The following FOCAD variants were observed in gnomAD, a reference collection of about 807,000 sequenced individuals.
FOCAD encodes KIAA1797.
A neutral mutation model predicts 225.6 loss-of-function variants in FOCAD; 198 were observed. The ratio of observed to expected loss-of-function variants is 0.88; its 90% CI spans 0.78 to 0.99. The LOEUF is 0.99. Ranked by LOEUF, FOCAD falls within the 50% of genes least tolerant of loss-of-function variation. FOCAD has a pLI of 0.00. For synonymous variants in FOCAD, 897 were observed against 755.0 expected, an observed-to-expected ratio of 1.19 and a Z score of -3.08; for missense variants, 2,713 against 2,123.6, an observed-to-expected ratio of 1.28 and a Z score of -5.46.
intron 24 of FOCAD, among the ~76,000 whole-genome samples, chr9:20,919,564 C>G (rs1434738556): frequency 6.6e-6 from 1 of 152,156 alleles, no homozygotes; most frequent in East Asian, 1.9e-4. Context: ...TCAAACTATA[C>G]TACAAGGCTA....
chr9:20,930,962 A>T (rs1376944850), intron 27 of FOCAD, among the ~76,000 whole-genome samples: 2 of 152,096 alleles, frequency 1.3e-5, no homozygotes, highest in African/African-American at 4.8e-5. Context: ...ATCTGTGTTC[A>T]TGCTCTTTCT....
chr9:20,724,221 C>T (rs963581217), intron 4 of FOCAD, among the ~76,000 whole-genome samples: 2 of 152,096 alleles, frequency 1.3e-5, no homozygotes, highest in African/African-American at 4.8e-5. Context: ...ATATAAACAG[C>T]TTTCTATTTT....
intron 2 of FOCAD, among the ~76,000 whole-genome samples, chr9:20,678,401 G>A (rs74990421): frequency 0.036 from 5,464 of 152,238 alleles, 118 homozygotes; most frequent in Middle Eastern, 0.11. Flanking sequence ...GACATGTAAA[G>A]AGATCCAGGA....
At chr9:20,993,354 A>T (rs1386146518) in intron 43 of FOCAD, 26 bp downstream of exon 43, 2 of 1,572,316 alleles carry the variant, frequency 1.3e-6, no homozygotes, top group Non-Finnish European at 8.8e-7. Flanking sequence ...TTTATGCTCA[A>T]CATAGGGGAA....
chr9:20,967,235 C>G (rs370109083), intron 35 of FOCAD, among the ~76,000 whole-genome samples: 2 of 151,948 alleles, frequency 1.3e-5, no homozygotes, highest in Non-Finnish European at 2.9e-5. Context: ...AAGTCTTTAC[C>G]CTTGGTGAAA....
chr9:20,830,635 A>G (rs1048451217), intron 15 of FOCAD, among the ~76,000 whole-genome samples: 3 of 152,086 alleles, frequency 2.0e-5, no homozygotes, highest in Non-Finnish European at 4.4e-5. Context: ...TTAGTAATCA[A>G]TGATTCATTT....
intron 7 of FOCAD, among the ~76,000 whole-genome samples, chr9:20,767,675 T>C (rs1239948846): frequency 1.2e-3 from 170 of 142,798 alleles, no homozygotes; most frequent in African/African-American, 4.2e-3. Context: ...TGGGGTTGTT[T>C]GTTTTTTTCT....
In FOCAD at chr9:20,789,289, A is replaced by G; in HGVS notation, c.1198-62A>G. The G allele has an allele frequency of 5.1e-6, 8 of 1,556,090 alleles. No individual in the cohort carries two copies. The South Asian group carries it at 9.2e-5, about 18-fold the overall frequency. On this transcript the variant is annotated intron_variant, in intron 10 of 43. Coordinates refer to ENST00000338382, the MANE Select transcript of FOCAD (RefSeq NM_001375567.1). Reference sequence around the variant, plus strand: ...ACAATGAAATATAAGAATGCCAGAAACATATTTCTGACAAATATATTTATC... The same window carrying G: ...ACAATGAAATATAAGAATGCCAGAAGCATATTTCTGACAAATATATTTATC...
At chr9:20,943,293 A>G (rs1262395863) in intron 28 of FOCAD, among the ~76,000 whole-genome samples, 1 of 152,240 alleles carries the variant, frequency 6.6e-6, no homozygotes, top group Non-Finnish European at 1.5e-5. Context: ...TTACTGTAGT[A>G]GCTTCTTTAC....
At chr9:20,832,839 TTATC>T (rs772025210) in intron 15 of FOCAD, among the ~76,000 whole-genome samples, 15 of 152,068 alleles carry the variant, frequency 9.9e-5, no homozygotes, top group Non-Finnish European at 1.8e-4. Flanking sequence ...TACGTTTTCT[TTATC>T]CATTCATCAG....
intron 35 of FOCAD, among the ~76,000 whole-genome samples, chr9:20,966,871 T>C (rs1331081786): frequency 6.6e-6 from 1 of 152,166 alleles, no homozygotes; most frequent in Non-Finnish European, 1.5e-5. Context: ...AATAAACCTA[T>C]GCACTGGTCT....
chr9:20,858,819 T>C (rs1828475589), intron 15 of FOCAD, among the ~76,000 whole-genome samples: 1 of 127,728 alleles, frequency 7.8e-6, no homozygotes, highest in Admixed American at 8.5e-5. Flanking sequence ...AATTTTTCAC[T>C]TTGCTTTTTA....
chr9:20,933,656 G>A (rs2132231504), intron 28 of FOCAD, among the ~76,000 whole-genome samples: 1 of 152,234 alleles, frequency 6.6e-6, no homozygotes, highest in East Asian at 1.9e-4. Flanking sequence ...TTGCAATTGT[G>A]AATTGTGCTG....
chr9:20,986,986 G>A (rs923363821), intron 40 of FOCAD, among the ~76,000 whole-genome samples: 1 of 152,116 alleles, frequency 6.6e-6, no homozygotes, highest in Admixed American at 6.5e-5. Flanking sequence ...CGTTTTAGAC[G>A]TTATGCTTTA....
chr9:20,990,848 C>A (rs1334768059), intron 42 of FOCAD, among the ~76,000 whole-genome samples: 1 of 152,190 alleles, frequency 6.6e-6, no homozygotes, highest in Non-Finnish European at 1.5e-5. Flanking sequence ...GAGCATCCAT[C>A]TTCTTGTAGC....
intron 5 of FOCAD, among the ~76,000 whole-genome samples, chr9:20,750,878 C>CT (rs1828476685): frequency 6.6e-6 from 1 of 152,114 alleles, no homozygotes; most frequent in South Asian, 2.1e-4. Context: ...ACCTTTAATA[C>CT]TTTTTGCCTT....
At chr9:20,835,940 G>C (rs1371798600) in intron 15 of FOCAD, among the ~76,000 whole-genome samples, 5 of 152,094 alleles carry the variant, frequency 3.3e-5, no homozygotes, top group Non-Finnish European at 7.4e-5. Flanking sequence ...TTGACCGCTA[G>C]AAGAGTTCAT....
intron 1 of FOCAD, among the ~76,000 whole-genome samples, chr9:20,706,369 G>C (rs943877245): frequency 6.6e-6 from 1 of 152,114 alleles, no homozygotes; most frequent in African/African-American, 2.4e-5. Context: ...ATATTGAGAA[G>C]GAACTAAATT....
At chr9:20,670,798 T>G (rs998971630) in intron 2 of FOCAD, among the ~76,000 whole-genome samples, 4 of 152,192 alleles carry the variant, frequency 2.6e-5, no homozygotes, top group Non-Finnish European at 5.9e-5. Flanking sequence ...CTGAAATTTG[T>G]ATCCCTATTT....
Sources: gnomAD v4.1 joint callset for allele counts (sites outside exome capture counted in the v4.1 genomes callset) on GRCh38, gnomAD v4.1.1 for gene constraint, MANE v1.5 for transcripts, NCBI Gene and HGNC (gene_info 2026-07-23, HGNC 2026-07-21) for gene names.